The following MGAT4B variants were observed in gnomAD, a reference collection of about 807,000 sequenced individuals.
MGAT4B encodes the protein N-acetylglucosaminyltransferase IVb.
Under a neutral mutation model 73.9 loss-of-function variants are expected in MGAT4B, and 38 were observed. That is an observed-to-expected ratio of 0.51 (90% CI 0.40 to 0.67). The LOEUF (loss-of-function observed/expected upper bound fraction) is 0.67. Ranked by LOEUF, MGAT4B falls within the 30% of genes least tolerant of loss-of-function variation. The probability of loss-of-function intolerance (pLI) is 0.00; values close to 1 mark genes in which losing one functional copy is unlikely to be tolerated. For synonymous variants in MGAT4B, 373 were observed against 313.5 expected, an observed-to-expected ratio of 1.19 and a Z score of -2.01; for missense variants, 686 against 735.2, an observed-to-expected ratio of 0.93 and a Z score of 0.77.
chr5:179,798,306 C>G (rs377397954), intron 13 of MGAT4B, 29 bp from the exon 14 acceptor site: 1 of 1,612,822 alleles, frequency 6.2e-7, no homozygotes, highest in Non-Finnish European at 8.5e-7. Context: ...GAGAGGGTGT[C>G]CCTGAACCCC....
At chr5:179,802,379 A>G in intron 1 of MGAT4B, 1 of 1,261,870 alleles carries the variant, frequency 7.9e-7, no homozygotes, top group Non-Finnish European at 1.0e-6. Flanking sequence ...TGGGCTACCC[A>G]AGGTCCTGGT....
rs749401767 is a variant in MGAT4B, at chr5:179,799,589, G to C, written c.958C>G (p.Leu320Val). The change falls in exon 9 of 15, where the codon CTC becomes GTC. Residue 320 changes from leucine to valine, a missense_variant. By Grantham distance (32) the Leu-to-Val change is conservative (BLOSUM62 1). This residue lies in a region of MGAT4B where 449 missense variants were observed against 536.8 expected (regional missense o/e 0.84). Transcript: ENST00000292591. ...LDLSLIVEFI[L>V]MFYRDKPIDW... is the part of the protein sequence containing the mutation. ...ATGGGCTTGTCCCGGTAGAACATGA[G>C]AATGAACTCTACAATCAGGCTCAGG... The C allele has an allele frequency of 6.2e-7, 1 of 1,613,984 alleles. No individual in the cohort carries two copies. Among genetic ancestry groups the C allele is most frequent in the Non-Finnish European group, 8.5e-7 (1 of 1,180,036 alleles).
At chr5:179,800,346 G>A in intron 6 of MGAT4B, 87 bp from the exon 7 acceptor site, 1 of 1,520,220 alleles carries the variant, frequency 6.6e-7, no homozygotes, top group East Asian at 2.3e-5. Context: ...GGCAGCTTCT[G>A]TCCCCCCACC....
chr5:179,798,432 G>C lies in MGAT4B; in HGVS notation c.1425C>G (p.Asn475Lys), dbSNP rs1021742130. The C allele has an allele frequency of 4.3e-6, 7 of 1,612,488 alleles. No homozygotes were observed. The highest frequency in any genetic ancestry group is 5.9e-6 in the Non-Finnish European group (7 of 1,179,756). ...NTSVEVLPFD[N>K]PQSDKEALQE... ...GCAGGGCCTCCTTGTCTGACTGAGGGTTCTGGGGGCAGAATCAAGGGCTGA... is the reference window on the plus strand; with the variant it reads ...GCAGGGCCTCCTTGTCTGACTGAGGCTTCTGGGGGCAGAATCAAGGGCTGA... The change falls in exon 13 of 15, where the codon AAC becomes AAG. Residue 475 changes from asparagine to lysine, a missense_variant and splice_region_variant. By Grantham distance (94) the Asn-to-Lys change is moderately conservative. Around this residue, in one of 2 missense-constraint regions of MGAT4B, gnomAD observed 449 missense variants for 536.8 expected, o/e 0.84. Coordinates refer to ENST00000292591, the MANE Select transcript of MGAT4B (RefSeq NM_014275.5).
At chr5:179,800,747 G>A (rs1756882992) in intron 5 of MGAT4B, 150 bp from the exon 6 acceptor site, 9 of 999,166 alleles carry the variant, frequency 9.0e-6, no homozygotes, top group Middle Eastern at 5.8e-4. Flanking sequence ...GAGCTCCAGA[G>A]GGGCTGGGCC....
chr5:179,802,483 TTCCAGGAGCCCACCTCAC>T (rs1756988557), intron 1 of MGAT4B: 1 of 1,029,672 alleles, frequency 9.7e-7, no homozygotes, highest in South Asian at 4.0e-5. Flanking sequence ...GCTGCTGCAG[TTCCAGGAGCCCACCTCAC>T]TTCATTGCTC....
chr5:179,800,547 G>A lies in MGAT4B; in HGVS notation c.656C>T (p.Pro219Leu). Residue 219 changes from proline (P) to leucine (L), a missense_variant, in exon 6 of 15, where the codon CCC (proline) becomes CTC (leucine). Pro to Leu is a moderately conservative substitution (Grantham distance 98). Coordinates refer to ENST00000292591, the MANE Select transcript of MGAT4B (RefSeq NM_014275.5). Reference sequence around the variant, plus strand: ...GCGGGAGAAGTCAGGGTAGAAGTGGGGGGAGGGTGAGATGACCTCCAGGAG... The same window carrying A: ...GCGGGAGAAGTCAGGGTAGAAGTGGAGGGAGGGTGAGATGACCTCCAGGAG... Reference protein sequence around the residue: ...SGLLEVISPSPHFYPDFSRLR... With the variant: ...SGLLEVISPSLHFYPDFSRLR... 6.2e-7 allele frequency: 1 copy of A among 1,612,400 alleles called. No individual in the cohort carries two copies. The highest frequency in any genetic ancestry group is 1.3e-5 in the African/African-American group (1 of 75,006).
intron 1 of MGAT4B, 71 bp from the exon 2 acceptor site, chr5:179,802,040 G>C: frequency 6.2e-7 from 1 of 1,611,374 alleles, no homozygotes; most frequent in South Asian, 1.1e-5. Context: ...CAGTGTGCCA[G>C]CGCACACATC....
At chr5:179,803,695 C>G (rs1186062036) in intron 1 of MGAT4B, 1 of 152,362 alleles carries the variant, frequency 6.6e-6, no homozygotes, top group Non-Finnish European at 1.5e-5. Context: ...TGGCAACAGC[C>G]TGCGCCTTAC....
At chr5:179,800,739 G>T in intron 5 of MGAT4B, 142 bp from the exon 6 acceptor site, 3 of 971,122 alleles carry the variant, frequency 3.1e-6, no homozygotes, top group Non-Finnish European at 4.7e-6. Context: ...AGGTAGCAGA[G>T]CTCCAGAGGG....
intron 6 of MGAT4B, 27 bp from the exon 7 acceptor site, chr5:179,800,286 G>T (rs166624): frequency 0.17 from 277,828 of 1,611,510 alleles, 26,414 homozygotes; most frequent in African/African-American, 0.38. Context: ...GGCCTCAGAA[G>T]TTCAGACCCC....
In MGAT4B at chr5:179,806,663, AGGC is replaced by A. The variant is rs561073025; in HGVS notation, c.-83_-81del. ...CCGGGGCCGGGGCGCAGGGGTCGGAAGGCGGCGGCGGCGGCGGCAGGGGCCCCG... is the reference window on the plus strand; with the variant it reads ...CCGGGGCCGGGGCGCAGGGGTCGGAAGGCGGCGGCGGCGGCAGGGGCCCCG... On this transcript the variant is annotated 5_prime_UTR_variant, in exon 1 of 15. Transcript: ENST00000292591. The surrounding 1 kb of genome is among the most constrained non-coding windows in gnomAD (Gnocchi z 4.6). 1.7e-4 allele frequency: 99 copies of A among 582,360 alleles called. No individual in the cohort carries two copies. Among genetic ancestry groups the A allele is most frequent in the Middle Eastern group, 8.5e-4 (1 of 1,182 alleles). The allele number at this position is 582,360 out of a possible 1,614,324, so 36.1% of individuals were successfully genotyped here.
Position 179,801,532 on chromosome 5 carries a change from T to G in MGAT4B, c.424+22A>C, listed in dbSNP as rs955043648. ...GGCCACCCGTCCCCCCACCCCGTGC[T>G]CCTCCCTGTCTGCGCCCATACCTCC... On this transcript the variant is annotated intron_variant, in intron 3 of 14. Transcript: ENST00000292591. This position sits in a 1 kb window ranked among gnomAD's most constrained non-coding sequence, Gnocchi z 4.8. 6.2e-7 allele frequency: 1 copy of G among 1,604,640 alleles called. No individual in the cohort carries two copies. Among genetic ancestry groups the G allele is most frequent in the Non-Finnish European group, 8.5e-7 (1 of 1,174,544 alleles).
At chr5:179,800,327 CG>C in intron 6 of MGAT4B, 68 bp from the exon 7 acceptor site, 1 of 1,575,506 alleles carries the variant, frequency 6.3e-7, no homozygotes, top group Non-Finnish European at 8.7e-7. Context: ...GCAGAGAAGC[CG>C]CTGGGTGGGC....
chr5:179,799,831 AGCAC>A, intron 8 of MGAT4B, 119 bp downstream of exon 8: 1 of 1,226,008 alleles, frequency 8.2e-7, no homozygotes, highest in Non-Finnish European at 1.2e-6. Flanking sequence ...GTGGGGCTGT[AGCAC>A]GCACACCAGG....
chr5:179,800,767 C>T, intron 5 of MGAT4B, 140 bp downstream of exon 5: 1 of 1,076,920 alleles, frequency 9.3e-7, no homozygotes, highest in Non-Finnish European at 1.4e-6. Context: ...CACTTCTGCA[C>T]ACCCACCCCT....
At chr5:179,802,833 G>A (rs907545520) in intron 1 of MGAT4B, 11 of 985,390 alleles carry the variant, frequency 1.1e-5, no homozygotes, top group African/African-American at 5.2e-5. Context: ...CACAGTCCAC[G>A]CAGCAGGACG....
At chr5:179,802,262 AGGT>A in intron 1 of MGAT4B, 1 of 1,418,828 alleles carries the variant, frequency 7.0e-7, no homozygotes, top group Non-Finnish European at 9.2e-7. Context: ...AGACCTAGGT[AGGT>A]GGATCCTAAG....
rs1343839033 is a variant in MGAT4B, at chr5:179,800,888, T to C, written c.605+19A>G. 1 of 1,612,222 alleles carries C rather than the reference T, an allele frequency of 6.2e-7. No individual in the cohort carries two copies. The highest frequency in any genetic ancestry group is 8.5e-7 in the Non-Finnish European group (1 of 1,179,536). ...CCGAGCTCTCCCGCCACCAGCTCTCTGGGGTCGCCAGTACTCACAAGGCCT... is the reference window on the plus strand; with the variant it reads ...CCGAGCTCTCCCGCCACCAGCTCTCCGGGGTCGCCAGTACTCACAAGGCCT... On this transcript the variant is annotated intron_variant, in intron 5 of 14. Transcript: ENST00000292591.
Sources: allele counts gnomAD v4.1 joint callset, GRCh38; gene constraint gnomAD v4.1.1; regional missense constraint gnomAD v4.1.1; non-coding constraint Gnocchi (gnomAD v3.1); transcripts MANE v1.5; gene names NCBI Gene and HGNC (gene_info 2026-07-23, HGNC 2026-07-21).